Variants in CHN1 observed in about 807,000 individuals in gnomAD.
CHN1 encodes N-chimaerin.
Under a neutral mutation model 59.5 loss-of-function variants are expected in CHN1, and 37 were observed. That is an observed-to-expected ratio of 0.62 (90% CI 0.48 to 0.82). CHN1 has a LOEUF of 0.82. Among genes scored for constraint, CHN1 ranks in the 40% least tolerant of loss-of-function variants. CHN1 has a pLI of 0.00. For synonymous variants in CHN1, 206 were observed against 200.4 expected (o/e 1.03, Z -0.24); for missense variants, 469 against 571.0 (o/e 0.82, Z 1.82).
At chr2:174,863,797 G>A (rs1687135368) in intron 6 of CHN1, among the ~76,000 whole-genome samples, 2 of 152,192 alleles carry the variant, frequency 1.3e-5, no homozygotes, top group South Asian at 4.1e-4. Context: ...CAGATGTTTA[G>A]GCTCCATGTT....
At position 174,853,706 on chromosome 2, in the gene CHN1, T is replaced by C. The variant is rs186293756; in HGVS notation, c.550-6749A>G. Among the ~76,000 whole-genome samples the C allele has an allele frequency of 1.9e-3, 290 of 152,208 alleles. 1 individual carries two copies. Among genetic ancestry groups the C allele is most frequent in the African/African-American group, 6.8e-3 (283 of 41,514 alleles). On this transcript the variant is annotated intron_variant, in intron 6 of 12. Transcript: ENST00000409900. ...GAGACGGAATCAACCCAGGTGCCCA[T>C]CAATGGTGGACTGGATAAAGAAAAT...
At chr2:174,959,183 G>A (rs1348351019) in intron 1 of CHN1, among the ~76,000 whole-genome samples, 1 of 152,122 alleles carries the variant, frequency 6.6e-6, no homozygotes, top group African/African-American at 2.4e-5. Context: ...TAACCTCTCT[G>A]GAGAGCAATT....
intron 6 of CHN1, among the ~76,000 whole-genome samples, chr2:174,854,918 T>A (rs1334707180): frequency 6.6e-6 from 1 of 152,180 alleles, no homozygotes; most frequent in African/African-American, 2.4e-5. Flanking sequence ...ATTATAAGCA[T>A]CACTGTTATG....
At chr2:174,858,838 G>A (rs1178680740) in intron 6 of CHN1, among the ~76,000 whole-genome samples, 1 of 152,022 alleles carries the variant, frequency 6.6e-6, no homozygotes, top group Non-Finnish European at 1.5e-5. Flanking sequence ...CATGTGGTCA[G>A]TATGTTAGAA....
intron 5 of CHN1, among the ~76,000 whole-genome samples, chr2:174,904,079 A>C (rs55898929): frequency 6.6e-6 from 1 of 151,502 alleles, no homozygotes; most frequent in Non-Finnish European, 1.5e-5. Flanking sequence ...CCTGACCAAC[A>C]TGGAGAAACC....
intron 6 of CHN1, among the ~76,000 whole-genome samples, chr2:174,856,529 A>G (rs566289199): frequency 6.6e-6 from 1 of 152,346 alleles, no homozygotes; most frequent in South Asian, 2.1e-4. Flanking sequence ...AAAAAAGGAT[A>G]GCCCTTGCAT....
At chr2:174,833,727 C>T (rs1283935709) in intron 7 of CHN1, among the ~76,000 whole-genome samples, 1 of 151,618 alleles carries the variant, frequency 6.6e-6, no homozygotes, top group East Asian at 1.9e-4. Context: ...CTTATGACTC[C>T]ATTTATCTCC....
At chr2:174,945,956 T>C (rs1023759088) in intron 2 of CHN1, among the ~76,000 whole-genome samples, 1 of 151,850 alleles carries the variant, frequency 6.6e-6, no homozygotes, top group Non-Finnish European at 1.5e-5. Flanking sequence ...TGTGTGTGTA[T>C]ATATATACTA....
intron 1 of CHN1, among the ~76,000 whole-genome samples, chr2:174,984,488 C>T (rs1260194718): frequency 6.6e-6 from 1 of 151,656 alleles, no homozygotes; most frequent in African/African-American, 2.4e-5. Flanking sequence ...CCTGCCTCAG[C>T]CTCCCAAGTA....
chr2:174,934,517 C>T (rs559876713), intron 3 of CHN1, among the ~76,000 whole-genome samples: 15 of 152,178 alleles, frequency 9.9e-5, no homozygotes, highest in African/African-American at 2.4e-4. Context: ...GGCCACAAGA[C>T]GGTACCAGTC....
intron 3 of CHN1, among the ~76,000 whole-genome samples, chr2:174,942,442 T>C (rs1487040747): frequency 1.3e-5 from 2 of 152,114 alleles, no homozygotes; most frequent in East Asian, 3.9e-4. Context: ...CTCATTCATA[T>C]GTGGGAGCTA....
At chr2:174,935,260 A>C (rs1689463176) in intron 3 of CHN1, among the ~76,000 whole-genome samples, 1 of 152,210 alleles carries the variant, frequency 6.6e-6, no homozygotes, top group South Asian at 2.1e-4. Flanking sequence ...CTAGACTGGA[A>C]GCTCCTTCAG....
At chr2:174,914,776 A>T in intron 5 of CHN1, among the ~76,000 whole-genome samples, 1 of 134,970 alleles carries the variant, frequency 7.4e-6, no homozygotes, top group South Asian at 2.4e-4. Context: ...CCGGAAGCAG[A>T]GGGGGTTGCA....
At chr2:174,996,759 TCTC>T (rs1257969270) in intron 1 of CHN1, among the ~76,000 whole-genome samples, 4 of 152,038 alleles carry the variant, frequency 2.6e-5, no homozygotes, top group South Asian at 4.2e-4. Flanking sequence ...CTCTCCTCTC[TCTC>T]CTCAACTCCT....
intron 1 of CHN1, among the ~76,000 whole-genome samples, chr2:174,961,796 G>A (rs917944374): frequency 2.0e-5 from 3 of 152,082 alleles, no homozygotes; most frequent in African/African-American, 7.2e-5. Flanking sequence ...CACATGCCAT[G>A]TAGCTTCTAG....
chr2:174,844,723 T>G (rs1686448642), intron 7 of CHN1, among the ~76,000 whole-genome samples: 1 of 152,196 alleles, frequency 6.6e-6, no homozygotes, highest in Admixed American at 6.5e-5. Flanking sequence ...ATGACTTTCC[T>G]CCTTTCTTAT....
intron 3 of CHN1, among the ~76,000 whole-genome samples, chr2:174,931,436 G>GA (rs1415137267): frequency 2.0e-5 from 3 of 152,152 alleles, no homozygotes; most frequent in African/African-American, 7.2e-5. Context: ...CCACCTAATA[G>GA]AATATGTCCT....
At chr2:175,002,601 A>G (rs898484950) in intron 1 of CHN1, among the ~76,000 whole-genome samples, 7 of 152,228 alleles carry the variant, frequency 4.6e-5, no homozygotes, top group African/African-American at 1.7e-4. Flanking sequence ...AAGAAAATGT[A>G]AAACACAAAG....
chr2:174,814,731 G>C (rs1476376834), intron 8 of CHN1, among the ~76,000 whole-genome samples: 1 of 152,146 alleles, frequency 6.6e-6, no homozygotes, highest in Non-Finnish European at 1.5e-5. Context: ...CGTACCTCAA[G>C]GTTGTCAATC....
Sources: gnomAD v4.1 joint callset for allele counts (sites outside exome capture counted in the v4.1 genomes callset) on GRCh38, gnomAD v4.1.1 for gene constraint, MANE v1.5 for transcripts, NCBI Gene and HGNC (gene_info 2026-07-23, HGNC 2026-07-21) for gene names.